The following C10orf90 variants were observed in gnomAD, a reference collection of about 807,000 sequenced individuals.
C10orf90 encodes the protein (E2-independent) E3 ubiquitin-conjugating enzyme FATS.
In C10orf90, 56 loss-of-function variants were observed where a neutral mutation model predicts 62.5. The observed-to-expected ratio is 0.90, with a 90% CI of 0.72 to 1.12. C10orf90 has a LOEUF of 1.12. Among genes scored for constraint, C10orf90 ranks in the 50% most tolerant of loss-of-function variants. C10orf90 has a pLI of 0.00. For missense variants in C10orf90, 970 were observed against 880.4 expected, an observed-to-expected ratio of 1.10 and a Z score of -1.29; for synonymous variants, 386 against 340.4, an observed-to-expected ratio of 1.13 and a Z score of -1.47.
chr10:126,493,048 C>A (rs868490207), intron 4 of C10orf90, among the ~76,000 whole-genome samples: 1 of 151,664 alleles, frequency 6.6e-6, no homozygotes, highest in Non-Finnish European at 1.5e-5. Flanking sequence ...CTCACGTAGC[C>A]ATTAAACGAT....
At chr10:126,596,724 A>C (rs1313836560) in intron 2 of C10orf90, among the ~76,000 whole-genome samples, 1 of 152,250 alleles carries the variant, frequency 6.6e-6, no homozygotes, top group Non-Finnish European at 1.5e-5. Context: ...ATTGAGAAAC[A>C]GAATGGTTGT....
chr10:126,481,329 C>G (rs1322483838), intron 4 of C10orf90, among the ~76,000 whole-genome samples: 1 of 152,228 alleles, frequency 6.6e-6, no homozygotes, highest in East Asian at 1.9e-4. Flanking sequence ...ATAGCAAGCT[C>G]CATGTCAGCA....
chr10:126,460,835 G>A lies in C10orf90; in HGVS notation c.2010+566C>T, dbSNP rs533195258. 1.2e-4 allele frequency among the ~76,000 whole-genome samples: 18 copies of A among 152,324 alleles called. No individual in the cohort carries two copies. The South Asian group carries it at 3.5e-3, about 30-fold the overall frequency. ...AAGGTGTGGCTAGCTGTGCAATACAGTTAGCAGAGGATTCCTCTGAGGTTG... is the reference window on the plus strand; with the variant it reads ...AAGGTGTGGCTAGCTGTGCAATACAATTAGCAGAGGATTCCTCTGAGGTTG... On this transcript the variant is annotated intron_variant, in intron 6 of 9. Coordinates refer to ENST00000488181, the MANE Select transcript of C10orf90 (RefSeq NM_001350921.2).
intron 2 of C10orf90, among the ~76,000 whole-genome samples, chr10:126,597,231 T>A (rs1387922532): frequency 6.6e-6 from 1 of 152,248 alleles, no homozygotes; most frequent in Admixed American, 6.5e-5. Context: ...TGAAAGCATA[T>A]GTCCACAAAA....
rs752553304 is a variant in C10orf90 at position 126,670,271 on chromosome 10, C to T, written c.210G>A (p.Lys70=). 1 of 456,694 alleles carries T rather than the reference C, an allele frequency of 2.2e-6. No homozygotes were observed. Among genetic ancestry groups the T allele is most frequent in the South Asian group, 1.5e-5 (1 of 64,566 alleles). The allele number at this position is 456,694 out of a possible 1,614,324, so 28.3% of individuals were successfully genotyped here. The change falls in exon 1 of 10, where the codon AAG becomes AAA. Residue 70 remains lysine, a synonymous_variant. Coordinates refer to ENST00000488181, the MANE Select transcript of C10orf90 (RefSeq NM_001350921.2). The stretch of plus-strand genomic sequence containing the variant: ...ATCTGCTGGCTGTCTGCTCAGCCGT[C>T]TTCAAGCCTTGACACATATGGATGA... ...VCIIHMCQGL[K]TAEQTASRYE...
intron 2 of C10orf90, among the ~76,000 whole-genome samples, chr10:126,565,218 T>TTATATTACATAATATGTAATATAATA (rs1844331361): frequency 6.7e-5 from 2 of 29,770 alleles, no homozygotes; most frequent in Non-Finnish European, 1.3e-4. Flanking sequence ...TAATATAATT[T>TTATATTACATAATATGTAATATAATA]TTATATTACA....
chr10:126,582,503 T>C (rs6597783), intron 2 of C10orf90, among the ~76,000 whole-genome samples: 142,786 of 152,210 alleles, frequency 0.94, 67,223 homozygotes, highest in Middle Eastern at 0.99. Flanking sequence ...GCGTTCACTG[T>C]GAAAATGTCG....
chr10:126,602,016 C>A (rs1039587396), intron 2 of C10orf90, among the ~76,000 whole-genome samples: 4 of 152,232 alleles, frequency 2.6e-5, no homozygotes, highest in African/African-American at 9.6e-5. Flanking sequence ...AGGGGATGGT[C>A]CAACAGCCAT....
At position 126,594,719 on chromosome 10, in the gene C10orf90, G is replaced by A. The variant is rs571842396; in HGVS notation, c.313+51846C>T. On this transcript the variant is annotated intron_variant, in intron 2 of 9. Transcript: ENST00000488181. ...ATGATGGTGAGGACGGAACTACAGCGGATTCAGAGCAAGAGCATTCCAGGC... is the reference window on the plus strand; with the variant it reads ...ATGATGGTGAGGACGGAACTACAGCAGATTCAGAGCAAGAGCATTCCAGGC... 5.9e-5 allele frequency among the ~76,000 whole-genome samples: 9 copies of A among 152,292 alleles called. No homozygotes were observed. The South Asian group carries it at 1.2e-3, about 21-fold the overall frequency.
chr10:126,465,095 A>C, intron 4 of C10orf90, 109 bp from the exon 5 acceptor site: 1 of 1,143,932 alleles, frequency 8.7e-7, no homozygotes, highest in Non-Finnish European at 1.2e-6. Context: ...GGGGGAGTAC[A>C]GCACTGCAAG....
intron 4 of C10orf90, among the ~76,000 whole-genome samples, chr10:126,479,905 A>C (rs549635707): frequency 5.3e-5 from 8 of 152,194 alleles, no homozygotes; most frequent in Non-Finnish European, 8.8e-5. Context: ...ATTGGTTTCG[A>C]TGTGGGATAA....
At chr10:126,585,231 G>T (rs1349555614) in intron 2 of C10orf90, among the ~76,000 whole-genome samples, 3 of 150,280 alleles carry the variant, frequency 2.0e-5, no homozygotes, top group Non-Finnish European at 4.4e-5. Context: ...ATGGAAGGAA[G>T]TTAGGAAAGA....
At chr10:126,428,700 G>A (rs960242769) in intron 8 of C10orf90, among the ~76,000 whole-genome samples, 1 of 152,130 alleles carries the variant, frequency 6.6e-6, no homozygotes, top group Non-Finnish European at 1.5e-5. Context: ...GGTGGCTTTG[G>A]GTTTGGGGAC....
intron 2 of C10orf90, among the ~76,000 whole-genome samples, chr10:126,530,262 T>C (rs1864059752): frequency 6.6e-6 from 1 of 150,398 alleles, no homozygotes; most frequent in East Asian, 2.0e-4. Flanking sequence ...AAACAGAAAA[T>C]AATCAATCAA....
rs1163052846 is a variant in C10orf90 at position 126,483,155 on chromosome 10, G to A, written c.1535-18169C>T. The stretch of plus-strand genomic sequence containing the variant: ...AAACAGCTCACCAGGTTGATAGCCT[G>A]TGGCCAGCAGATTCTGAACCAGGCA... On this transcript the variant is annotated intron_variant, in intron 4 of 9. Coordinates refer to ENST00000488181, the MANE Select transcript of C10orf90 (RefSeq NM_001350921.2). Among the ~76,000 whole-genome samples, 5 of 152,362 alleles carry A rather than the reference G, an allele frequency of 3.3e-5. No individual in the cohort carries two copies. The East Asian group carries it at 9.6e-4, about 29-fold the overall frequency.
At chr10:126,540,612 TCATGTCACTA>T (rs1864351669) in intron 2 of C10orf90, among the ~76,000 whole-genome samples, 1 of 149,016 alleles carries the variant, frequency 6.7e-6, no homozygotes, top group Non-Finnish European at 1.5e-5. Flanking sequence ...TGAGCTGAGA[TCATGTCACTA>T]CACTCCAACC....
At chr10:126,459,912 G>A (rs1304658930) in intron 6 of C10orf90, among the ~76,000 whole-genome samples, 1 of 152,210 alleles carries the variant, frequency 6.6e-6, no homozygotes, top group Non-Finnish European at 1.5e-5. Flanking sequence ...CGGGCTAGGT[G>A]CTTGATGTGT....
intron 7 of C10orf90, among the ~76,000 whole-genome samples, chr10:126,435,223 C>T (rs1475064600): frequency 3.3e-5 from 5 of 152,136 alleles, no homozygotes; most frequent in African/African-American, 1.2e-4. Context: ...ATGTAACAAT[C>T]TGGAAAGACA....
intron 2 of C10orf90, among the ~76,000 whole-genome samples, chr10:126,616,157 G>A (rs1476472863): frequency 1.4e-5 from 2 of 146,282 alleles, no homozygotes; most frequent in Non-Finnish European, 3.1e-5. Flanking sequence ...TTCCGAGAGT[G>A]TGAGTCTTTT....
Sources: allele counts gnomAD v4.1 joint callset (sites outside exome capture counted in the v4.1 genomes callset), GRCh38; gene constraint gnomAD v4.1.1; transcripts MANE v1.5; gene names NCBI Gene and HGNC (gene_info 2026-07-23, HGNC 2026-07-21).